The following DPY19L2 variants were observed in gnomAD, a reference collection of about 807,000 sequenced individuals.
DPY19L2 encodes dpy-19 like 2, also known as probable C-mannosyltransferase DPY19L2.
In DPY19L2, 34 loss-of-function variants were observed where a neutral mutation model predicts 97.9. The ratio of observed to expected loss-of-function variants is 0.35; its 90% CI spans 0.26 to 0.46. The LOEUF (loss-of-function observed/expected upper bound fraction) is 0.46. Among genes scored for constraint, DPY19L2 ranks in the 20% least tolerant of loss-of-function variants. The pLI, the probability that DPY19L2 is intolerant of heterozygous loss-of-function variation, is 1.00. For synonymous variants in DPY19L2, 230 were observed against 307.9 expected, an observed-to-expected ratio of 0.75 and a Z score of 2.65; for missense variants, 623 against 911.4, an observed-to-expected ratio of 0.68 and a Z score of 4.07.
At chr12:63,637,814 T>C (rs1489036482) in intron 6 of DPY19L2, among the ~76,000 whole-genome samples, 1 of 152,122 alleles carries the variant, frequency 6.6e-6, no homozygotes, top group Non-Finnish European at 1.5e-5. Context: ...TCTGAAACTA[T>C]TCCAATCAAA....
rs1359484113 is a variant in DPY19L2, at chr12:63,574,230, GC to G, written c.1901-3374del. Among the ~76,000 whole-genome samples, 3 of 151,954 alleles carry G rather than the reference GC, an allele frequency of 2.0e-5. No individual in the cohort carries two copies. The East Asian group carries it at 5.8e-4, about 29-fold the overall frequency. On this transcript the variant is annotated intron_variant, in intron 19 of 21. Coordinates refer to ENST00000324472, the MANE Select transcript of DPY19L2 (RefSeq NM_173812.5). The stretch of plus-strand genomic sequence containing the variant: ...GCTTTCTTTTGGCTTATTTGTTTAT[GC>G]AATCAGTGTTGTCATCAGTTTAAAA...
chr12:63,633,135 C>T (rs1287154860), intron 6 of DPY19L2, among the ~76,000 whole-genome samples: 1 of 152,218 alleles, frequency 6.6e-6, no homozygotes, highest in Non-Finnish European at 1.5e-5. Context: ...TAGGCATTAC[C>T]ATTCAGGACA....
chr12:63,601,824 A>G (rs1885241026), intron 12 of DPY19L2, among the ~76,000 whole-genome samples: 1 of 152,132 alleles, frequency 6.6e-6, no homozygotes, highest in South Asian at 2.1e-4. Context: ...ATCCAGCAGG[A>G]AAAATGAGAA....
intron 6 of DPY19L2, among the ~76,000 whole-genome samples, chr12:63,628,574 C>T (rs542079730): frequency 1.3e-5 from 2 of 152,222 alleles, no homozygotes; most frequent in African/African-American, 2.4e-5. Flanking sequence ...CCAGGAAGCT[C>T]GAACAGGGTG....
intron 21 of DPY19L2, among the ~76,000 whole-genome samples, chr12:63,566,238 A>G (rs908424128): frequency 1.3e-5 from 2 of 151,916 alleles, no homozygotes; most frequent in Non-Finnish European, 2.9e-5. Context: ...TTTTAAAAAA[A>G]CTTTTTATTT....
chr12:63,610,093 G>GA (rs3042403), intron 11 of DPY19L2, among the ~76,000 whole-genome samples: 3,999 of 110,078 alleles, frequency 0.036, 100 homozygotes, highest in African/African-American at 0.064. Flanking sequence ...GTTGTTAAAT[G>GA]AAAAAAAAAA....
intron 6 of DPY19L2, among the ~76,000 whole-genome samples, chr12:63,632,377 C>A (rs1416064774): frequency 6.6e-6 from 1 of 152,114 alleles, no homozygotes; most frequent in Non-Finnish European, 1.5e-5. Flanking sequence ...TCTCAGGATA[C>A]AAAATCAATG....
intron 6 of DPY19L2, among the ~76,000 whole-genome samples, chr12:63,640,363 A>G (rs1459946901): frequency 1.3e-5 from 2 of 152,214 alleles, no homozygotes; most frequent in African/African-American, 2.4e-5. Context: ...TAATAAAAAA[A>G]GATACGAGAG....
chr12:63,589,353 G>T, intron 16 of DPY19L2, among the ~76,000 whole-genome samples: 2 of 23,556 alleles, frequency 8.5e-5, no homozygotes, highest in Admixed American at 6.7e-4. Flanking sequence ...ATAAAAATGT[G>T]TTGCAAAAAA....
chr12:63,622,903 G>A (rs1246487601), intron 8 of DPY19L2, among the ~76,000 whole-genome samples: 1 of 152,158 alleles, frequency 6.6e-6, no homozygotes, highest in Non-Finnish European at 1.5e-5. Flanking sequence ...CAGCCTGGGT[G>A]ACAGAGCAAG....
intron 21 of DPY19L2, among the ~76,000 whole-genome samples, chr12:63,568,114 G>T (rs1878108562): frequency 6.6e-6 from 1 of 151,772 alleles, no homozygotes; most frequent in South Asian, 2.1e-4. Context: ...CTAAAATTAT[G>T]CATGTGTTGA....
chr12:63,560,782 G>A (rs143528370), intron 21 of DPY19L2, 120 bp from the exon 22 acceptor site: 24,657 of 1,364,496 alleles, frequency 0.018, 266 homozygotes, highest in Non-Finnish European at 0.021. Flanking sequence ...ATTTTAAAGC[G>A]TCATTTCAAA....
At chr12:63,631,228 T>A (rs1441166630) in intron 6 of DPY19L2, among the ~76,000 whole-genome samples, 1 of 151,942 alleles carries the variant, frequency 6.6e-6, no homozygotes, top group African/African-American at 2.4e-5. Flanking sequence ...AGAGCAGAAC[T>A]GAAGGAGATA....
intron 4 of DPY19L2, among the ~76,000 whole-genome samples, chr12:63,650,960 A>C (rs1255854624): frequency 6.6e-6 from 1 of 152,224 alleles, no homozygotes; most frequent in Admixed American, 6.5e-5. Flanking sequence ...ATCCTAAGCA[A>C]AAAGGACAAA....
chr12:63,639,676 G>A (rs538018366), intron 6 of DPY19L2, among the ~76,000 whole-genome samples: 2,231 of 152,230 alleles, frequency 0.015, 25 homozygotes, highest in Non-Finnish European at 0.021. Flanking sequence ...AGTTAGAATG[G>A]CAATCATTAA....
At chr12:63,631,726 C>G (rs1355933352) in intron 6 of DPY19L2, among the ~76,000 whole-genome samples, 1 of 152,126 alleles carries the variant, frequency 6.6e-6, no homozygotes, top group Non-Finnish European at 1.5e-5. Flanking sequence ...AGGCCAGCAT[C>G]ATCCTGATAC....
At chr12:63,587,062 C>CA (rs1881914994) in intron 16 of DPY19L2, among the ~76,000 whole-genome samples, 3 of 151,048 alleles carry the variant, frequency 2.0e-5, no homozygotes, top group African/African-American at 7.3e-5. Context: ...CAAAATGTCA[C>CA]AAAAATGTTA....
At chr12:63,622,235 C>T (rs1288968557) in intron 8 of DPY19L2, among the ~76,000 whole-genome samples, 1 of 152,046 alleles carries the variant, frequency 6.6e-6, no homozygotes, top group Non-Finnish European at 1.5e-5. Flanking sequence ...TTCCATGAAA[C>T]CCCTGACTGA....
intron 6 of DPY19L2, among the ~76,000 whole-genome samples, chr12:63,627,350 G>GTTGTT (rs767454360): frequency 2.6e-5 from 4 of 151,974 alleles, no homozygotes; most frequent in Non-Finnish European, 5.9e-5. Context: ...TATTGTTGTT[G>GTTGTT]TTGTTTTGTT....
Sources: allele counts gnomAD v4.1 joint callset (sites outside exome capture counted in the v4.1 genomes callset), GRCh38; gene constraint gnomAD v4.1.1; transcripts MANE v1.5; gene names NCBI Gene and HGNC (gene_info 2026-07-23, HGNC 2026-07-21).